SPTAN1: variants seen among roughly 807,000 people sequenced by gnomAD.
The protein encoded by SPTAN1 is spectrin alpha, non-erythrocytic 1, also known as spectrin alpha chain, non-erythrocytic 1.
SPTAN1 carries 61 observed loss-of-function variants against 331.3 expected under a neutral mutation model. The observed-to-expected ratio is 0.18, with a 90% CI of 0.15 to 0.23. The LOEUF (loss-of-function observed/expected upper bound fraction) is 0.23. SPTAN1 is among the 10% of genes least tolerant of loss of function. SPTAN1 has a pLI of 1.00. For synonymous variants in SPTAN1, 1,153 were observed against 1,173.9 expected (o/e 0.98, Z 0.36); for missense variants, 2,043 against 3,147.9 (o/e 0.65, Z 8.40).
chr9:128,584,945 C>T, intron 18 of SPTAN1, 102 bp downstream of exon 18: 1 of 1,343,048 alleles, frequency 7.4e-7, no homozygotes, highest in Non-Finnish European at 1.1e-6. Flanking sequence ...GGCTCTGGGG[C>T]TGAATACCAT....
chr9:128,626,615 C>A lies in SPTAN1; in HGVS notation c.6504C>A (p.Ala2168=). Residue 2168 remains alanine, a synonymous_variant, in exon 49 of 57, where the codon GCC becomes GCA. Coordinates refer to ENST00000372739, the MANE Select transcript of SPTAN1 (RefSeq NM_001130438.3). ...GCCAGATCAAGAGCTTCCGCGTAGC[C>A]TCCAACCCCTACACCTGGTTTACCA... ...LDRQIKSFRV[A]SNPYTWFTME... is the part of the protein sequence containing the mutation. 6.2e-7 allele frequency: 1 copy of A among 1,613,938 alleles called. No homozygotes were observed. The highest frequency in any genetic ancestry group is 1.1e-5 in the South Asian group (1 of 91,068).
At chr9:128,626,248 G>A (rs1858717131) in intron 48 of SPTAN1, 143 bp from the exon 49 acceptor site, 3 of 1,114,584 alleles carry the variant, frequency 2.7e-6, no homozygotes, top group Admixed American at 1.7e-5. Context: ...GGGGGAGCAG[G>A]AGACAGGAGC....
Position 128,585,827 on chromosome 9 carries a change from C to T in SPTAN1, c.2640C>T (p.Ser880=), listed in dbSNP as rs752229124. Residue 880 remains serine, a synonymous_variant, in exon 19 of 57, where the codon TCC becomes TCT. Transcript: ENST00000372739. ...GGGAGGCACTGAAAGCCAAAGCTTC[C>T]CAGCGTCGGCAGGACCTGGAGGACT... ...QKWEALKAKA[S]QRRQDLEDSL... is the part of the protein sequence containing the mutation. 6.2e-7 allele frequency: 1 copy of T among 1,614,204 alleles called. No homozygotes were observed. Among genetic ancestry groups the T allele is most frequent in the Non-Finnish European group, 8.5e-7 (1 of 1,180,028 alleles).
At position 128,611,851 on chromosome 9, in the gene SPTAN1, G is replaced by A; in HGVS notation, c.4905+6G>A. 1.2e-6 allele frequency: 2 copies of A among 1,614,088 alleles called. No individual in the cohort carries two copies. The highest frequency in any genetic ancestry group is 1.7e-6 in the Non-Finnish European group (2 of 1,180,016). ...GCAGTGAGGATGCTGTCAAGGTATGGCCCACCAGCTCCCGGTGCCCAGGGA... is the reference window on the plus strand; with the variant it reads ...GCAGTGAGGATGCTGTCAAGGTATGACCCACCAGCTCCCGGTGCCCAGGGA... On this transcript the variant is annotated splice_donor_region_variant and intron_variant, in intron 38 of 56. Coordinates refer to ENST00000372739, the MANE Select transcript of SPTAN1 (RefSeq NM_001130438.3).
chr9:128,578,621 G>A (rs1057407962), intron 9 of SPTAN1, among the ~76,000 whole-genome samples: 7 of 152,134 alleles, frequency 4.6e-5, no homozygotes, highest in Admixed American at 1.3e-4. Context: ...ATGAGGTCAA[G>A]AGATCAAGAC....
chr9:128,600,137 ATTG>A, intron 27 of SPTAN1, 22 bp downstream of exon 27: 1 of 1,613,420 alleles, frequency 6.2e-7, no homozygotes, highest in Non-Finnish European at 8.5e-7. Context: ...TTTGCAAATT[ATTG>A]TTTTCAAGAG....
intron 19 of SPTAN1, 124 bp downstream of exon 19, chr9:128,586,089 T>C: frequency 2.4e-6 from 2 of 823,220 alleles, no homozygotes; most frequent in South Asian, 3.1e-5. Flanking sequence ...TTTTAAAATG[T>C]TTTGGAATCC....
intron 56 of SPTAN1, 76 bp downstream of exon 56, chr9:128,633,031 G>T: frequency 1.2e-6 from 2 of 1,600,854 alleles, no homozygotes; most frequent in South Asian, 1.1e-5. Context: ...GCTGAGTCTG[G>T]GGTAACAGGC....
rs1564197173 is a variant in SPTAN1 at position 128,568,836 on chromosome 9, A to G, written c.302A>G (p.Lys101Arg). The part of the protein sequence containing the change: ...EVQANSGAIV[K>R]LDETGNLMIS... ...CAGGCCAACTCAGGAGCCATTGTTA[A>G]GCTGGATGAAACTGGAAACCTGATG... Residue 101 changes from lysine to arginine, a missense_variant, in exon 3 of 57, where the codon AAG becomes AGG. Around this residue, in one of 12 missense-constraint regions of SPTAN1, gnomAD observed 1,038 missense variants for 1,531.5 expected, o/e 0.68. Coordinates refer to ENST00000372739, the MANE Select transcript of SPTAN1 (RefSeq NM_001130438.3). 1 of 1,614,188 alleles carries G rather than the reference A, an allele frequency of 6.2e-7. No homozygotes were observed. The highest frequency in any genetic ancestry group is 8.5e-7 in the Non-Finnish European group (1 of 1,180,018).
chr9:128,620,920 C>G (rs1416615730), intron 44 of SPTAN1, among the ~76,000 whole-genome samples: 1 of 152,138 alleles, frequency 6.6e-6, no homozygotes, highest in Non-Finnish European at 1.5e-5. Flanking sequence ...CAAAGACTGT[C>G]CCTGCTGAAG....
chr9:128,621,135 T>G, intron 44 of SPTAN1, 23 bp from the exon 45 acceptor site: 1 of 1,604,492 alleles, frequency 6.2e-7, no homozygotes, highest in Non-Finnish European at 8.5e-7. Context: ...CTCAATAGTG[T>G]GCCTTGGCTG....
intron 16 of SPTAN1, 96 bp from the exon 17 acceptor site, chr9:128,584,186 C>G: frequency 8.8e-6 from 14 of 1,583,992 alleles, no homozygotes; most frequent in Non-Finnish European, 1.2e-5. Context: ...CAGAAAGAAT[C>G]CTCTCAGGAA....
Position 128,632,596 on chromosome 9 carries a change from C to G in SPTAN1, c.7038C>G (p.Gly2346=), listed in dbSNP as rs1859948607. The G allele has an allele frequency of 6.2e-7, 1 of 1,613,942 alleles. No homozygotes were observed. Among genetic ancestry groups the G allele is most frequent in the African/African-American group, 1.3e-5 (1 of 74,938 alleles). ...MFKHFDKDKS[G]RLNHQEFKSC... The stretch of plus-strand genomic sequence containing the variant: ...GACACTTTGACAAGGACAAGTCTGG[C>G]AGGCTGAACCATCAGGAGTTCAAAT... The change falls in exon 55 of 57, where the codon GGC becomes GGG. Residue 2346 remains glycine (G), a synonymous_variant. Transcript: ENST00000372739.
chr9:128,603,481 G>A, intron 27 of SPTAN1, 62 bp from the exon 28 acceptor site: 3 of 1,588,688 alleles, frequency 1.9e-6, no homozygotes, highest in Non-Finnish European at 2.6e-6. Flanking sequence ...GACACTTGCA[G>A]CTCAGATCTC....
intron 44 of SPTAN1, among the ~76,000 whole-genome samples, chr9:128,620,569 T>A (rs1313489730): frequency 6.6e-6 from 1 of 151,910 alleles, no homozygotes; most frequent in Non-Finnish European, 1.5e-5. Context: ...ACTACAAAAA[T>A]TAGCTGGGTG....
rs1433655973 is a variant in SPTAN1 at position 128,627,207 on chromosome 9, G to C, written c.6577-179G>C. ...CTCTTCCTTGAAGCCCCTGGGGGGT[G>C]GGAACAGAGAAAGAACTACCAAGTG... On this transcript the variant is annotated intron_variant, in intron 49 of 56. Transcript: ENST00000372739. The surrounding 1 kb of genome is among the most constrained non-coding windows in gnomAD (Gnocchi z 4.9). The C allele has an allele frequency of 4.6e-6, 3 of 656,316 alleles. No individual in the cohort carries two copies. 40.7% of individuals were successfully genotyped at this position (656,316 alleles called of 1,614,324 possible).
intron 33 of SPTAN1, 37 bp downstream of exon 33, chr9:128,608,086 TG>T (rs770884419): frequency 6.2e-7 from 1 of 1,614,166 alleles, no homozygotes; most frequent in Non-Finnish European, 8.5e-7. Context: ...AGTGTTTCCT[TG>T]CTGAAGGGCC....
At chr9:128,563,147 G>A (rs536215257) in intron 1 of SPTAN1, among the ~76,000 whole-genome samples, 1 of 151,920 alleles carries the variant, frequency 6.6e-6, no homozygotes, top group African/African-American at 2.4e-5. Context: ...CCAGTGCAGT[G>A]GCTCATGCTT....
chr9:128,599,880 C>T (rs1205016809), intron 26 of SPTAN1, 200 bp from the exon 27 acceptor site: 8 of 612,034 alleles, frequency 1.3e-5, no homozygotes, highest in South Asian at 2.0e-5. Flanking sequence ...TTTTTCTCTC[C>T]CCTGTTTGTT....
Sources: allele counts gnomAD v4.1 joint callset (sites outside exome capture counted in the v4.1 genomes callset), GRCh38; gene constraint gnomAD v4.1.1; regional missense constraint gnomAD v4.1.1; non-coding constraint Gnocchi (gnomAD v3.1); transcripts MANE v1.5; gene names NCBI Gene and HGNC (gene_info 2026-07-23, HGNC 2026-07-21).